Variants in VWDE observed in about 807,000 individuals in gnomAD.
VWDE encodes the protein von Willebrand factor D and EGF domains.
In VWDE, 207 loss-of-function variants were observed where a neutral mutation model predicts 178.4. That is an observed-to-expected ratio of 1.16 (90% CI 1.04 to 1.30). VWDE has a LOEUF of 1.30. Among genes scored for constraint, VWDE ranks in the 50% most tolerant of loss-of-function variants. The probability of loss-of-function intolerance (pLI) is 0.00; values close to 1 mark genes in which losing one functional copy is unlikely to be tolerated. For synonymous variants in VWDE, 738 were observed against 651.4 expected, an observed-to-expected ratio of 1.13 and a Z score of -2.02; for missense variants, 2,287 against 1,901.3, an observed-to-expected ratio of 1.20 and a Z score of -3.77.
chr7:12,391,298 T>C (rs1784379143), intron 2 of VWDE, among the ~76,000 whole-genome samples: 1 of 152,218 alleles, frequency 6.6e-6, no homozygotes, highest in Non-Finnish European at 1.5e-5. Context: ...CAAATAGTAA[T>C]TTATGTAAGT....
At position 12,370,375 on chromosome 7, in the gene VWDE, G is replaced by A. The variant is rs1353641240; in HGVS notation, c.1931C>T (p.Ser644Leu). 1.3e-6 allele frequency: 2 copies of A among 1,550,770 alleles called. No individual in the cohort carries two copies. Among genetic ancestry groups the A allele is most frequent in the Non-Finnish European group, 8.7e-7 (1 of 1,146,838 alleles). The change falls in exon 12 of 29, where the codon TCA becomes TTA. Residue 644 changes from serine (S) to leucine (L), a missense_variant. By Grantham distance (145) the Ser-to-Leu change is moderately radical. Transcript: ENST00000275358. Reference protein sequence around the residue: ...SSEDLDSVSRSEIALGCKDLN... With the variant: ...SSEDLDSVSRLEIALGCKDLN... ...GTCTTTGCAACCCAAGGCAATTTCTGATCGAGAAACACTGTCCAGATCTTC... is the reference window on the plus strand; with the variant it reads ...GTCTTTGCAACCCAAGGCAATTTCTAATCGAGAAACACTGTCCAGATCTTC...
At chr7:12,346,916 G>T (rs1373637487) in intron 19 of VWDE, among the ~76,000 whole-genome samples, 1 of 151,970 alleles carries the variant, frequency 6.6e-6, no homozygotes, top group East Asian at 1.9e-4. Context: ...AGAAGAAAAT[G>T]AACCAAAAAC....
intron 28 of VWDE, among the ~76,000 whole-genome samples, chr7:12,332,848 C>G (rs1197236343): frequency 6.6e-6 from 1 of 152,142 alleles, no homozygotes; most frequent in Non-Finnish European, 1.5e-5. Context: ...GGTACTCCAG[C>G]ATACTTTTAT....
At chr7:12,364,418 T>C (rs1782749241) in intron 13 of VWDE, among the ~76,000 whole-genome samples, 1 of 152,080 alleles carries the variant, frequency 6.6e-6, no homozygotes, top group Non-Finnish European at 1.5e-5. Flanking sequence ...TGGAATATCA[T>C]ATGATGCCAG....
At chr7:12,398,711 C>G (rs969016150) in intron 1 of VWDE, among the ~76,000 whole-genome samples, 1 of 152,090 alleles carries the variant, frequency 6.6e-6, no homozygotes, top group African/African-American at 2.4e-5. Flanking sequence ...CACTATGAAG[C>G]CATAAAAAAG....
At chr7:12,375,510 C>G (rs1783476494) in intron 7 of VWDE, among the ~76,000 whole-genome samples, 1 of 151,646 alleles carries the variant, frequency 6.6e-6, no homozygotes, top group Non-Finnish European at 1.5e-5. Flanking sequence ...GAAGGAAATT[C>G]AAAAAGAATA....
Position 12,370,148 on chromosome 7 carries a change from C to G in VWDE, c.2158G>C (p.Glu720Gln), listed in dbSNP as rs2128555550. 6.4e-7 allele frequency: 1 copy of G among 1,551,472 alleles called. No homozygotes were observed. Reference protein sequence around the residue: ...NVQKHPGNEKEDSLQYLANKK... With the variant: ...NVQKHPGNEKQDSLQYLANKK... The stretch of plus-strand genomic sequence containing the variant: ...TTGGCCAAATATTGTAGTGAATCTT[C>G]TTTCTCATTTCCAGGATGTTTTTGT... Residue 720 changes from glutamate (E) to glutamine (Q), a missense_variant, in exon 12 of 29, where the codon GAA becomes CAA. Transcript: ENST00000275358.
Position 12,379,566 on chromosome 7 carries a change from T to C in VWDE, c.790A>G (p.Ile264Val), listed in dbSNP as rs1253832442. 1.3e-6 allele frequency: 2 copies of C among 1,535,252 alleles called. No homozygotes were observed. Among genetic ancestry groups the C allele is most frequent in the Admixed American group, 2.1e-5 (1 of 48,572 alleles). ...AAAAAGACAGAAGCGCTGCAGAATATCTATGGATATAATTAAAAAATAATC... is the reference window on the plus strand; with the variant it reads ...AAAAAGACAGAAGCGCTGCAGAATACCTATGGATATAATTAAAAAATAATC... Reference protein sequence around the residue: ...DGINLRLGDRIFCSASVFFLE... With the variant: ...DGINLRLGDRVFCSASVFFLE... Residue 264 changes from isoleucine to valine, a missense_variant and splice_region_variant, in exon 6 of 29, where the codon ATA (isoleucine) becomes GTA (valine). Coordinates refer to ENST00000275358, the MANE Select transcript of VWDE (RefSeq NM_001135924.3).
At chr7:12,339,881 T>A in intron 24 of VWDE, among the ~76,000 whole-genome samples, 1 of 152,146 alleles carries the variant, frequency 6.6e-6, no homozygotes, top group South Asian at 2.1e-4. Context: ...CTCTGTATCT[T>A]CTTGCGTAGC....
Position 12,369,730 on chromosome 7 carries a change from T to G in VWDE, c.2576A>C (p.Glu859Ala). The G allele has an allele frequency of 6.4e-7, 1 of 1,551,644 alleles. No individual in the cohort carries two copies. The part of the protein sequence containing the change: ...SWAEAGVALL[E>A]NECEKRIVEE... ...CACAATCCTCTTTTCACATTCATTTTCTAAAAGGGCCACACCTGCTTCTGC... is the reference window on the plus strand; with the variant it reads ...CACAATCCTCTTTTCACATTCATTTGCTAAAAGGGCCACACCTGCTTCTGC... Residue 859 changes from glutamate (E) to alanine (A), a missense_variant, in exon 12 of 29, where the codon GAA (glutamate) becomes GCA (alanine). Glu to Ala is a moderately radical substitution (Grantham distance 107). Transcript: ENST00000275358.
intron 19 of VWDE, among the ~76,000 whole-genome samples, chr7:12,346,629 G>T (rs1317469167): frequency 6.6e-6 from 1 of 151,230 alleles, no homozygotes; most frequent in Non-Finnish European, 1.5e-5. Context: ...GGGCGGGGGG[G>T]ATCATTATTT....
At chr7:12,395,669 A>C (rs1387708083) in intron 1 of VWDE, among the ~76,000 whole-genome samples, 1 of 152,012 alleles carries the variant, frequency 6.6e-6, no homozygotes, top group East Asian at 1.9e-4. Flanking sequence ...TTTTATATCT[A>C]TTATTTCATA....
rs555119776 is a variant in VWDE, at chr7:12,367,551, C to G, written c.2762-58G>C. ...TTTTACTTAATTTCAGAAAAAAAAACTAATTATTTCCAAGCCCCAAATTAA... is the reference window on the plus strand; with the variant it reads ...TTTTACTTAATTTCAGAAAAAAAAAGTAATTATTTCCAAGCCCCAAATTAA... On this transcript the variant is annotated intron_variant, in intron 12 of 28. Transcript: ENST00000275358. 4.6e-4 allele frequency: 576 copies of G among 1,262,356 alleles called. 2 individuals are homozygous for G. In the African/African-American group the frequency reaches 7.5e-3, roughly 16 times the overall value. 78.2% of individuals were successfully genotyped at this position (1,262,356 alleles called of 1,614,324 possible). A position where few individuals can be genotyped will look rare whatever the true frequency, so the allele number is the denominator to read the frequency against.
rs780962187 is a variant in VWDE at position 12,369,997 on chromosome 7, G to A, written c.2309C>T (p.Thr770Met). Reference sequence around the variant, plus strand: ...AAAATAAGTAAGTTCTTCCAGATCCGTTTGGCTGAGACTCGGGAAAGCAAA... The same window carrying A: ...AAAATAAGTAAGTTCTTCCAGATCCATTTGGCTGAGACTCGGGAAAGCAAA... Reference protein sequence around the residue: ...PLFAFPSLSQTDLEELTYFFP... With the variant: ...PLFAFPSLSQMDLEELTYFFP... Residue 770 changes from threonine (T) to methionine (M), a missense_variant, in exon 12 of 29, where the codon ACG becomes ATG. Physicochemically the swap from Thr to Met is moderately conservative, Grantham distance 81. Transcript: ENST00000275358. 4.6e-5 allele frequency: 72 copies of A among 1,551,338 alleles called. 1 individual carries two copies. The highest frequency in any genetic ancestry group is 3.0e-4 in the South Asian group (25 of 84,070).
At chr7:12,379,405 T>C (rs1046799547) in intron 6 of VWDE, 72 bp downstream of exon 6, 7 of 1,085,740 alleles carry the variant, frequency 6.4e-6, no homozygotes, top group South Asian at 1.5e-5. Context: ...GAAACCAGCA[T>C]GGACAGATCA....
At chr7:12,402,986 A>T (rs981125304) in intron 1 of VWDE, among the ~76,000 whole-genome samples, 1 of 152,168 alleles carries the variant, frequency 6.6e-6, no homozygotes, top group Non-Finnish European at 1.5e-5. Flanking sequence ...TATCTGTATG[A>T]ACACAAAAAA....
At chr7:12,373,752 C>G (rs1177075794) in intron 9 of VWDE, among the ~76,000 whole-genome samples, 1 of 152,102 alleles carries the variant, frequency 6.6e-6, no homozygotes, top group African/African-American at 2.4e-5. Flanking sequence ...GCCATACCCC[C>G]AGTACTTAGA....
chr7:12,337,375 A>G (rs1583271091), intron 24 of VWDE, 103 bp from the exon 25 acceptor site: 1 of 965,678 alleles, frequency 1.0e-6, no homozygotes, highest in East Asian at 2.6e-5. Context: ...TAAGGCAGAG[A>G]AATGTGCTAT....
chr7:12,340,403 C>T lies in VWDE; in HGVS notation c.4285G>A (p.Val1429Ile). 1.9e-6 allele frequency: 3 copies of T among 1,550,962 alleles called. No individual in the cohort carries two copies. Among genetic ancestry groups the T allele is most frequent in the Non-Finnish European group, 2.6e-6 (3 of 1,146,664 alleles). ...TTACACGAACCACCATTGAGGCAGA[C>T]AGGGTCGCACAAAGCTAATAAACAG... The part of the protein sequence containing the change: ...PTCSTALCDP[V>I]CLNGGSCNKP... Residue 1429 changes from valine to isoleucine, a missense_variant, in exon 24 of 29, where the codon GTC becomes ATC. Physicochemically the swap from Val to Ile is conservative, Grantham distance 29 (BLOSUM62 3). Transcript: ENST00000275358.
Sources: gnomAD v4.1 joint callset for allele counts (sites outside exome capture counted in the v4.1 genomes callset) on GRCh38, gnomAD v4.1.1 for gene constraint, MANE v1.5 for transcripts, NCBI Gene and HGNC (gene_info 2026-07-23, HGNC 2026-07-21) for gene names.